Variants in FRS2 observed in about 807,000 individuals in gnomAD.
FRS2 encodes fibroblast growth factor receptor substrate 2, also known as FGFR signalling adaptor.
A neutral mutation model predicts 43.9 loss-of-function variants in FRS2; 8 were observed. The ratio of observed to expected loss-of-function variants is 0.18; its 90% confidence interval spans 0.11 to 0.33. The LOEUF is 0.33. Ranked by LOEUF, FRS2 falls within the 10% of genes least tolerant of loss-of-function variation. The pLI, the probability that FRS2 is intolerant of heterozygous loss-of-function variation, is 1.00. For missense variants in FRS2, 534 were observed against 627.6 expected, an observed-to-expected ratio of 0.85 and a Z score of 1.59; for synonymous variants, 219 against 220.3, an observed-to-expected ratio of 0.99 and a Z score of 0.05.
At chr12:69,542,867 A>G (rs1467643324) in intron 3 of FRS2, among the ~76,000 whole-genome samples, 1 of 152,226 alleles carries the variant, frequency 6.6e-6, no homozygotes, top group Non-Finnish European at 1.5e-5. Flanking sequence ...ACCCAGGCTC[A>G]TCCCAGGACT....
intron 3 of FRS2, among the ~76,000 whole-genome samples, chr12:69,544,859 C>G (rs1461594052): frequency 6.6e-6 from 1 of 152,078 alleles, no homozygotes; most frequent in South Asian, 2.1e-4. Context: ...TTCCCACTTT[C>G]ACCAATTCTA....
intron 4 of FRS2, among the ~76,000 whole-genome samples, chr12:69,563,806 T>C (rs1880058870): frequency 6.6e-6 from 1 of 152,166 alleles, no homozygotes; most frequent in Non-Finnish European, 1.5e-5. Context: ...CAGCCTCTTT[T>C]CTATATTCGA....
Position 69,529,622 on chromosome 12 carries a change from A to AAAATAAATAAAT in FRS2, c.-260-1225_-260-1214dup, listed in dbSNP as rs36140969. 4.7e-3 allele frequency among the ~76,000 whole-genome samples: 709 copies of AAAATAAATAAAT among 150,000 alleles called. 3 individuals carry two copies. Among genetic ancestry groups the AAAATAAATAAAT allele is most frequent in the African/African-American group, 0.017 (685 of 40,618 alleles). ...GGTGACAGAGTGAGACCCTGTCTCA[A>AAAATAAATAAAT]AAATAAATAAATAAATAAATAAATA... On this transcript the variant is annotated intron_variant, in intron 1 of 8. Transcript: ENST00000549921.
intron 4 of FRS2, among the ~76,000 whole-genome samples, chr12:69,564,680 T>G (rs1880139233): frequency 6.6e-6 from 1 of 152,192 alleles, no homozygotes; most frequent in African/African-American, 2.4e-5. Flanking sequence ...TGCTCTTGTT[T>G]TAGGTTTTTA....
intron 1 of FRS2, among the ~76,000 whole-genome samples, chr12:69,493,000 G>C (rs1238335093): frequency 6.6e-6 from 1 of 152,102 alleles, no homozygotes; most frequent in African/African-American, 2.4e-5. Context: ...GGTTTTGAGA[G>C]GAATAGTGTT....
chr12:69,501,836 C>T (rs1318728088), intron 1 of FRS2, among the ~76,000 whole-genome samples: 2 of 152,176 alleles, frequency 1.3e-5, no homozygotes, highest in Non-Finnish European at 2.9e-5. Flanking sequence ...TATTAAAACA[C>T]CATTCTATTG....
At chr12:69,564,662 A>G (rs1197142877) in intron 4 of FRS2, among the ~76,000 whole-genome samples, 1 of 151,754 alleles carries the variant, frequency 6.6e-6, no homozygotes, top group Non-Finnish European at 1.5e-5. Flanking sequence ...CTTCATTCCT[A>G]CCATTGCTGC....
intron 1 of FRS2, among the ~76,000 whole-genome samples, chr12:69,482,130 T>G (rs1871401525): frequency 6.6e-6 from 1 of 152,118 alleles, no homozygotes; most frequent in South Asian, 2.1e-4. Flanking sequence ...AGTTTAAGGC[T>G]TGTGTAGAAG....
At chr12:69,564,107 CTTCAAAGACCAGT>C (rs1375293156) in intron 4 of FRS2, among the ~76,000 whole-genome samples, 1 of 152,142 alleles carries the variant, frequency 6.6e-6, no homozygotes, top group African/African-American at 2.4e-5. Context: ...TCAACCAGTT[CTTCAAAGACCAGT>C]TTCCATCCTC....
At chr12:69,533,410 C>T (rs904678395) in intron 3 of FRS2, among the ~76,000 whole-genome samples, 8 of 151,258 alleles carry the variant, frequency 5.3e-5, no homozygotes, top group Non-Finnish European at 1.0e-4. Context: ...AGTGCAATGG[C>T]GCGATCTTGG....
chr12:69,543,352 A>G (rs941075627), intron 3 of FRS2, among the ~76,000 whole-genome samples: 3 of 152,250 alleles, frequency 2.0e-5, no homozygotes, highest in African/African-American at 7.2e-5. Context: ...CTATTTTTAA[A>G]CAATATCTGA....
intron 3 of FRS2, among the ~76,000 whole-genome samples, chr12:69,556,523 A>G (rs922145775): frequency 6.6e-6 from 1 of 151,896 alleles, no homozygotes; most frequent in African/African-American, 2.4e-5. Flanking sequence ...ACGGGGTTTC[A>G]TTGTGTTGGC....
Position 69,571,375 on chromosome 12 carries a change from T to G in FRS2, c.353T>G (p.Val118Gly). The G allele has an allele frequency of 6.2e-7, 1 of 1,612,404 alleles. No individual in the cohort carries two copies. The highest frequency in any genetic ancestry group is 8.5e-7 in the Non-Finnish European group (1 of 1,178,694). ...NSINVVEEPV[V>G]ERNNHQTELE... The stretch of plus-strand genomic sequence containing the variant: ...ATAAATGTGGTGGAAGAGCCAGTTG[T>G]AGAAAGAAATAATCATCAGACAGAA... The change falls in exon 7 of 9, where the codon GTA becomes GGA. Residue 118 changes from valine to glycine, a missense_variant. By Grantham distance (109) the Val-to-Gly change is moderately radical. Transcript: ENST00000549921.
rs146946903 is a variant in FRS2 at position 69,574,032 on chromosome 12, G to C, written c.604G>C (p.Val202Leu). The part of the protein sequence containing the change: ...QVHTYVNTTG[V>L]QEERKNRTSV... ...ACATACCTATGTCAACACTACAGGT[G>C]TGCAAGAAGAGCGGAAAAACCGCAC... The change falls in exon 9 of 9, where the codon GTG becomes CTG. Residue 202 changes from valine (V) to leucine (L), a missense_variant. Around this residue, in one of 3 missense-constraint regions of FRS2, gnomAD observed 446 missense variants for 494.2 expected, o/e 0.90. Coordinates refer to ENST00000549921, the MANE Select transcript of FRS2 (RefSeq NM_001278356.2). 4 of 1,613,406 alleles carry C rather than the reference G, an allele frequency of 2.5e-6. No individual in the cohort carries two copies. In the South Asian group the frequency reaches 4.4e-5, roughly 18 times the overall value.
intron 1 of FRS2, among the ~76,000 whole-genome samples, chr12:69,501,222 C>T (rs551687131): frequency 4.0e-5 from 6 of 151,844 alleles, no homozygotes; most frequent in African/African-American, 1.5e-4. Flanking sequence ...ACAACCTCCC[C>T]CCTCCCCCTT....
At chr12:69,470,922 C>G (rs1023416661) in intron 1 of FRS2, among the ~76,000 whole-genome samples, 5 of 152,114 alleles carry the variant, frequency 3.3e-5, no homozygotes, top group Non-Finnish European at 5.9e-5. Context: ...GCTCCAGTTC[C>G]CGACTTTTCG....
chr12:69,491,452 T>C (rs1030803461), intron 1 of FRS2: 1 of 151,826 alleles, frequency 6.6e-6, no homozygotes, highest in African/African-American at 2.4e-5. Flanking sequence ...GTACTATAAA[T>C]TCCTTTTTTG....
At chr12:69,519,563 C>T (rs1592978058) in intron 1 of FRS2, among the ~76,000 whole-genome samples, 2 of 149,470 alleles carry the variant, frequency 1.3e-5, no homozygotes, top group Admixed American at 1.3e-4. Context: ...CTCCCACCCT[C>T]CACCCTCTGG....
At chr12:69,476,191 G>C (rs1870752508) in intron 1 of FRS2, among the ~76,000 whole-genome samples, 1 of 152,152 alleles carries the variant, frequency 6.6e-6, no homozygotes, top group Admixed American at 6.5e-5. Flanking sequence ...AGCCTACAGA[G>C]GACGTATTGT....
Sources: gnomAD v4.1 joint callset for allele counts (sites outside exome capture counted in the v4.1 genomes callset) on GRCh38, gnomAD v4.1.1 for gene constraint, gnomAD v4.1.1 regional missense constraint, MANE v1.5 for transcripts, NCBI Gene and HGNC (gene_info 2026-07-23, HGNC 2026-07-21) for gene names.